Variants in PLA2G6 observed in about 807,000 individuals in gnomAD.
PLA2G6 encodes the protein 85/88 kDa calcium-independent phospholipase A2.
A neutral mutation model predicts 83.8 loss-of-function variants in PLA2G6; 62 were observed. That is an observed-to-expected ratio of 0.74 (90% CI 0.60 to 0.91). The LOEUF (loss-of-function observed/expected upper bound fraction) is 0.91, where lower values mean the gene tolerates loss of function less well. Ranked by LOEUF, PLA2G6 falls within the 40% of genes least tolerant of loss-of-function variation. PLA2G6 has a pLI of 0.00. For missense variants in PLA2G6, 944 were observed against 1,102.0 expected, an observed-to-expected ratio of 0.86 and a Z score of 2.03; for synonymous variants, 417 against 449.8, an observed-to-expected ratio of 0.93 and a Z score of 0.92.
At chr22:38,176,975 G>A (rs1280615369) in intron 1 of PLA2G6, among the ~76,000 whole-genome samples, 1 of 150,516 alleles carries the variant, frequency 6.6e-6, no homozygotes, top group African/African-American at 2.5e-5. Flanking sequence ...AACCCGAGAG[G>A]CAGAGGCTGC....
Position 38,123,571 on chromosome 22 carries a change from A to G in PLA2G6, c.1428-313T>C, listed in dbSNP as rs987647033. Reference sequence around the variant, plus strand: ...CAACTTGGGACACCTGATTTTGGTCAGTATCAGGCCTGATCCAAAGCAGGT... The same window carrying G: ...CAACTTGGGACACCTGATTTTGGTCGGTATCAGGCCTGATCCAAAGCAGGT... On this transcript the variant is annotated intron_variant, in intron 10 of 16. Coordinates refer to ENST00000332509, the MANE Select transcript of PLA2G6 (RefSeq NM_003560.4). The surrounding 1 kb of genome is among the most constrained non-coding windows in gnomAD (Gnocchi z 4.1). Among the ~76,000 whole-genome samples, 4 of 152,140 alleles carry G rather than the reference A, an allele frequency of 2.6e-5. No individual in the cohort carries two copies. Among genetic ancestry groups the G allele is most frequent in the African/African-American group, 7.2e-5 (3 of 41,426 alleles).
chr22:38,126,299 A>G, intron 10 of PLA2G6, 72 bp downstream of exon 10: 2 of 1,187,166 alleles, frequency 1.7e-6, no homozygotes, highest in Non-Finnish European at 2.5e-6. Flanking sequence ...CCCTGAGCCC[A>G]CAACAGGGGG....
At chr22:38,127,491 A>T (rs750136285) in intron 9 of PLA2G6, 15 of 1,275,760 alleles carry the variant, frequency 1.2e-5, no homozygotes, top group Non-Finnish European at 1.6e-5. Context: ...TGGGAGGTGG[A>T]GGGGGAGTTC....
At chr22:38,148,821 C>A in intron 2 of PLA2G6, 2 of 320,342 alleles carry the variant, frequency 6.2e-6, no homozygotes, top group African/African-American at 2.3e-5. Context: ...TAAATTCATT[C>A]TTTGTAAGGA....
chr22:38,115,771 C>A, intron 13 of PLA2G6, 90 bp from the exon 14 acceptor site: 1 of 1,506,220 alleles, frequency 6.6e-7, no homozygotes. Flanking sequence ...GTGTTGGGGG[C>A]TGGGGGTGCG....
chr22:38,179,784 A>C (rs962217113), intron 1 of PLA2G6, among the ~76,000 whole-genome samples: 6 of 152,078 alleles, frequency 3.9e-5, no homozygotes, highest in African/African-American at 1.4e-4. Flanking sequence ...AAAAATAAAT[A>C]AATCAATAAA....
At chr22:38,134,197 C>T (rs2088393070) in intron 6 of PLA2G6, 1 of 152,824 alleles carries the variant, frequency 6.5e-6, no homozygotes, top group Non-Finnish European at 1.5e-5. Flanking sequence ...CTTGGACTGG[C>T]TTCCTTGCTC....
chr22:38,118,197 T>C (rs2087321285), intron 12 of PLA2G6, among the ~76,000 whole-genome samples: 1 of 152,178 alleles, frequency 6.6e-6, no homozygotes, highest in South Asian at 2.1e-4. Flanking sequence ...AAAACCAGAA[T>C]AGGTTCAAAG....
chr22:38,131,910 T>G, intron 7 of PLA2G6: 1 of 320,800 alleles, frequency 3.1e-6, no homozygotes, highest in Middle Eastern at 1.1e-3. Context: ...AACACAGGAG[T>G]TCGAGACCAG....
intron 2 of PLA2G6, among the ~76,000 whole-genome samples, chr22:38,160,354 A>G (rs988221447): frequency 6.6e-6 from 1 of 152,206 alleles, no homozygotes; most frequent in African/African-American, 2.4e-5. Flanking sequence ...CAGCCAGTTC[A>G]CTTCTAGGTA....
At position 38,174,314 on chromosome 22, in the gene PLA2G6, C is replaced by A. The variant is rs368173644; in HGVS notation, c.-45-4843G>T. 3.0e-4 allele frequency among the ~76,000 whole-genome samples: 46 copies of A among 151,926 alleles called. 1 individual carries two copies. The East Asian group carries it at 6.4e-3, about 21-fold the overall frequency. On this transcript the variant is annotated intron_variant, in intron 1 of 16. Coordinates refer to ENST00000332509, the MANE Select transcript of PLA2G6 (RefSeq NM_003560.4). Reference sequence around the variant, plus strand: ...TCGGGAGGCTGAGGCAGGAGAATGGCGTGAACCCGGGAGGCGGAGCTTGCA... The same window carrying A: ...TCGGGAGGCTGAGGCAGGAGAATGGAGTGAACCCGGGAGGCGGAGCTTGCA...
chr22:38,131,905 A>C (rs768647417), intron 7 of PLA2G6: 1 of 332,326 alleles, frequency 3.0e-6, no homozygotes, highest in Non-Finnish European at 5.9e-6. Context: ...TGGCCAACAC[A>C]GGAGTTCGAG....
At chr22:38,139,123 G>A (rs1300726080) in intron 5 of PLA2G6, 1 of 152,198 alleles carries the variant, frequency 6.6e-6, no homozygotes, top group Non-Finnish European at 1.5e-5. Flanking sequence ...AAAGGAAAGA[G>A]GCATCTAGGT....
intron 2 of PLA2G6, among the ~76,000 whole-genome samples, chr22:38,167,243 A>AG (rs2090256634): frequency 1.3e-5 from 2 of 151,194 alleles, no homozygotes; most frequent in African/African-American, 4.9e-5. Flanking sequence ...AAAAAAAAAA[A>AG]GAAAACAAAA....
intron 10 of PLA2G6, chr22:38,125,579 G>A (rs764466427): frequency 5.6e-5 from 25 of 444,592 alleles, no homozygotes; most frequent in East Asian, 1.4e-4. Flanking sequence ...GAGAGCCTGC[G>A]GTAGCACAAA....
intron 14 of PLA2G6, among the ~76,000 whole-genome samples, chr22:38,114,673 G>A (rs1010439701): frequency 6.6e-6 from 1 of 152,168 alleles, no homozygotes; most frequent in Admixed American, 6.5e-5. Context: ...CTGGCCCCTA[G>A]AGGGCGCTTC....
chr22:38,144,908 G>C (rs1322273478), intron 3 of PLA2G6: 1 of 305,690 alleles, frequency 3.3e-6, no homozygotes, highest in African/African-American at 2.2e-5. Context: ...TGTGGGGGTT[G>C]GGAAAATTCA....
At chr22:38,133,161 C>T in intron 6 of PLA2G6, 148 bp from the exon 7 acceptor site, 2 of 770,012 alleles carry the variant, frequency 2.6e-6, no homozygotes, top group Non-Finnish European at 4.3e-6. Context: ...GGGGCAGGCC[C>T]CAGTTCTAGG....
intron 3 of PLA2G6, chr22:38,144,268 G>A (rs1011561753): frequency 5.3e-5 from 8 of 152,280 alleles, no homozygotes; most frequent in African/African-American, 1.7e-4. Flanking sequence ...AGACACCAAG[G>A]ATCCAAGCCC....
Sources: allele counts gnomAD v4.1 joint callset (sites outside exome capture counted in the v4.1 genomes callset), GRCh38; gene constraint gnomAD v4.1.1; non-coding constraint Gnocchi (gnomAD v3.1); transcripts MANE v1.5; gene names NCBI Gene and HGNC (gene_info 2026-07-23, HGNC 2026-07-21).